UCN3: variants seen among roughly 807,000 people sequenced by gnomAD.
UCN3 encodes the protein urocortin-3.
UCN3 carries 3 observed loss-of-function variants against 3.6 expected under a neutral mutation model. The ratio of observed to expected loss-of-function variants is 0.83; its 90% confidence interval spans 0.38 to 2.15. UCN3 has a LOEUF of 2.15. UCN3 is among the 30% of genes most tolerant of loss of function. UCN3 has a pLI of 0.06. For missense variants in UCN3, 206 were observed against 208.3 expected (o/e 0.99, Z 0.07); for synonymous variants, 100 against 93.2 (o/e 1.07, Z -0.42).
chr10:5,371,137 G>C (rs1269703119), intron 1 of UCN3, among the ~76,000 whole-genome samples: 4 of 151,278 alleles, frequency 2.6e-5, no homozygotes, highest in Non-Finnish European at 5.9e-5. Context: ...GTATGTGTGT[G>C]CATATGTGTG....
rs1419986949 is a variant in UCN3, at chr10:5,374,272, G to C, written c.*66G>C. 2 of 581,120 alleles carry C rather than the reference G, an allele frequency of 3.4e-6. No homozygotes were observed. Among genetic ancestry groups the C allele is most frequent in the Non-Finnish European group, 2.9e-6 (1 of 341,766 alleles). The allele number at this position is 581,120 out of a possible 1,614,324, so 36.0% of individuals were successfully genotyped here. On this transcript the variant is annotated 3_prime_UTR_variant, in exon 2 of 2. Transcript: ENST00000380433. ...GAGGGGAGGGGGAGGGGAGGGCGAG[G>C]GGGGGAGGGGAGGGGGAGGGTGCTG... is the stretch of plus-strand genomic sequence containing the variant.
chr10:5,368,279 C>T (rs992767229), intron 1 of UCN3, among the ~76,000 whole-genome samples: 2 of 152,174 alleles, frequency 1.3e-5, no homozygotes, highest in Non-Finnish European at 2.9e-5. Flanking sequence ...GCTGGGATTA[C>T]AGGTGTGAGC....
intron 1 of UCN3, among the ~76,000 whole-genome samples, chr10:5,370,852 CGTGTGTGTGCGTGTGT>C (rs1564443664): frequency 2.8e-5 from 2 of 71,502 alleles, no homozygotes; most frequent in African/African-American, 8.1e-5. Flanking sequence ...TGTGTGTGCG[CGTGTGTGTGCGTGTGT>C]ATGTGTGTGT....
chr10:5,370,438 C>T lies in UCN3; in HGVS notation c.-6-3277C>T, dbSNP rs201565958. 9.6e-3 allele frequency among the ~76,000 whole-genome samples: 144 copies of T among 14,946 alleles called. 1 individual carries two copies. Among genetic ancestry groups the T allele is most frequent in the Admixed American group, 0.013 (14 of 1,054 alleles). The allele number at this position is 14,946 out of a possible 152,430, so 9.8% of individuals were successfully genotyped here. A position where few individuals can be genotyped will look rare whatever the true frequency, so the allele number is the denominator to read the frequency against. On this transcript the variant is annotated intron_variant, in intron 1 of 1. Coordinates refer to ENST00000380433, the MANE Select transcript of UCN3 (RefSeq NM_053049.4). ...GTGTGTGTATATGCGTGTGTATATG[C>T]GTGTGTATGTGTGTGTGTATATGTG...
rs1478856952 is a variant in UCN3, at chr10:5,367,335, A to G, written c.-7+2105A>G. 6.6e-6 allele frequency among the ~76,000 whole-genome samples: 1 copy of G among 152,238 alleles called. No homozygotes were observed. The highest frequency in any genetic ancestry group is 1.9e-4 in the East Asian group (1 of 5,200). Reference sequence around the variant, plus strand: ...CAAAACCAAAAAAGTATGCCATATAAAAGATTTTTTCCTCTGTGATACGTA... The same window carrying G: ...CAAAACCAAAAAAGTATGCCATATAGAAGATTTTTTCCTCTGTGATACGTA... On this transcript the variant is annotated intron_variant, in intron 1 of 1. Coordinates refer to ENST00000380433, the MANE Select transcript of UCN3 (RefSeq NM_053049.4). The surrounding 1 kb of genome is among the most constrained non-coding windows in gnomAD (Gnocchi z 4.3).
At chr10:5,370,871 G>GCGTGTGTATGCGTGTATA in intron 1 of UCN3, among the ~76,000 whole-genome samples, 1 of 135,398 alleles carries the variant, frequency 7.4e-6, no homozygotes, top group African/African-American at 3.0e-5. Flanking sequence ...GCGTGTGTAT[G>GCGTGTGTATGCGTGTATA]TGTGTGTATA....
rs200179226 is a variant in UCN3 at position 5,373,907 on chromosome 10, C to T, written c.187C>T (p.Arg63Cys). ...GAGCAAGAGGAGCTTCCACTACCTG[C>T]GCAGCAGAGACGCCTCTTCGGGAGA... Reference protein sequence around the residue: ...LLSKRSFHYLRSRDASSGEEE... With the variant: ...LLSKRSFHYLCSRDASSGEEE... The change falls in exon 2 of 2, where the codon CGC becomes TGC. Residue 63 changes from arginine (R) to cysteine (C), a missense_variant. Arg to Cys is a radical substitution (Grantham distance 180). Transcript: ENST00000380433. 2.3e-5 allele frequency: 37 copies of T among 1,613,784 alleles called. No homozygotes were observed. The highest frequency in any genetic ancestry group is 1.7e-5 in the Admixed American group (1 of 59,970).
In UCN3 at chr10:5,370,822, TGCGCGC is replaced by T. The variant is rs782485167; in HGVS notation, c.-6-2891_-6-2886del. Among the ~76,000 whole-genome samples, 43 of 103,856 alleles carry T rather than the reference TGCGCGC, an allele frequency of 4.1e-4. 2 individuals are homozygous for T. The highest frequency in any genetic ancestry group is 5.1e-3 in the Middle Eastern group (1 of 198). 68.1% of individuals were successfully genotyped at this position (103,856 alleles called of 152,430 possible). ...GTGTATATGTGTGTGTGCGTGTGTG[TGCGCGC>T]GTGTGTGTGCGCGTGTGTGTGCGCG... On this transcript the variant is annotated intron_variant, in intron 1 of 1. Coordinates refer to ENST00000380433, the MANE Select transcript of UCN3 (RefSeq NM_053049.4).
In UCN3 at chr10:5,365,627, TCCACGCC is replaced by T. The variant is rs1834109862; in HGVS notation, c.-7+398_-7+404del. Among the ~76,000 whole-genome samples the T allele has an allele frequency of 6.6e-6, 1 of 152,166 alleles. No individual in the cohort carries two copies. Among genetic ancestry groups the T allele is most frequent in the Non-Finnish European group, 1.5e-5 (1 of 68,030 alleles). On this transcript the variant is annotated intron_variant, in intron 1 of 1. Coordinates refer to ENST00000380433, the MANE Select transcript of UCN3 (RefSeq NM_053049.4). This position sits in a 1 kb window ranked among gnomAD's most constrained non-coding sequence, Gnocchi z 4.4. The stretch of plus-strand genomic sequence containing the variant: ...GCTAATGGGAGCCACAGGACATGAC[TCCACGCC>T]GCCTGCAAAGCAGCGAGGACACCTG...
rs543025995 is a variant in UCN3, at chr10:5,366,885, C to T, written c.-7+1655C>T. The stretch of plus-strand genomic sequence containing the variant: ...AAAGGTCTGCTACCTGCAGATGCAC[C>T]AAGAACAGAGCGCCACGCAGGACAC... On this transcript the variant is annotated intron_variant, in intron 1 of 1. Transcript: ENST00000380433. The surrounding 1 kb of genome is among the most constrained non-coding windows in gnomAD (Gnocchi z 4.2). Among the ~76,000 whole-genome samples the T allele has an allele frequency of 2.0e-5, 3 of 152,280 alleles. No homozygotes were observed. In the East Asian group the frequency reaches 5.8e-4, roughly 29 times the overall value.
chr10:5,371,192 TGTGAG>T (rs1831421886), intron 1 of UCN3, among the ~76,000 whole-genome samples: 1 of 151,280 alleles, frequency 6.6e-6, no homozygotes, highest in African/African-American at 2.4e-5. Context: ...TATGTGTACG[TGTGAG>T]GTGTGTATGT....
intron 1 of UCN3, among the ~76,000 whole-genome samples, chr10:5,369,474 G>T (rs73615945): frequency 6.6e-6 from 1 of 152,116 alleles, no homozygotes; most frequent in African/African-American, 2.4e-5. Context: ...ATTTATCAGA[G>T]AAGGAAATTG....
intron 1 of UCN3, among the ~76,000 whole-genome samples, chr10:5,370,209 G>GTA (rs1258788344): frequency 3.4e-4 from 7 of 20,482 alleles, no homozygotes; most frequent in Admixed American, 6.4e-4. Flanking sequence ...ATATGCGTGT[G>GTA]TATGTGTGTG....
At position 5,370,782 on chromosome 10, in the gene UCN3, T is replaced by TGTGTGTGTATGC. The variant is rs1165268461; in HGVS notation, c.-6-2926_-6-2915dup. On this transcript the variant is annotated intron_variant, in intron 1 of 1. Transcript: ENST00000380433. Reference sequence around the variant, plus strand: ...GTGTATATGCGTGTGTATATGCGTGTGTGTGTGTATGCGTGTGTATATGTG... The same window carrying TGTGTGTGTATGC: ...GTGTATATGCGTGTGTATATGCGTGTGTGTGTGTATGCGTGTGTGTATGCGTGTGTATATGTG... Among the ~76,000 whole-genome samples, 556 of 139,984 alleles carry TGTGTGTGTATGC rather than the reference T, an allele frequency of 4.0e-3. 25 individuals carry two copies. The highest frequency in any genetic ancestry group is 0.015 in the African/African-American group (521 of 34,542). 91.8% of individuals were successfully genotyped at this position (139,984 alleles called of 152,430 possible).
chr10:5,370,850 C>CGTGTGTGTGT (rs1554811415), intron 1 of UCN3, among the ~76,000 whole-genome samples: 1 of 63,652 alleles, frequency 1.6e-5, no homozygotes. Context: ...CGTGTGTGTG[C>CGTGTGTGTGT]GCGTGTGTGT....
chr10:5,372,443 C>T (rs942143849), intron 1 of UCN3, among the ~76,000 whole-genome samples: 1 of 152,210 alleles, frequency 6.6e-6, no homozygotes. Context: ...GATCAGTGAA[C>T]CAGCAAGAGT....
At position 5,365,015 on chromosome 10, in the gene UCN3, C is replaced by T. The variant is rs1363882853; in HGVS notation, c.-222C>T. On this transcript the variant is annotated 5_prime_UTR_variant, in exon 1 of 2. Transcript: ENST00000380433. The surrounding 1 kb of genome is among the most constrained non-coding windows in gnomAD (Gnocchi z 4.4). ...ACACCACGTCTGGAATTACGATCCA[C>T]CCTGTGATCTGTCACTTTTATATAC... is the stretch of plus-strand genomic sequence containing the variant. 1 of 152,170 alleles carries T rather than the reference C, an allele frequency of 6.6e-6. No homozygotes were observed. The highest frequency in any genetic ancestry group is 1.9e-4 in the East Asian group (1 of 5,188). The allele number at this position is 152,170 out of a possible 1,614,324, so 9.4% of individuals were successfully genotyped here.
intron 1 of UCN3, among the ~76,000 whole-genome samples, chr10:5,370,475 G>A (rs1310694843): frequency 8.7e-6 from 1 of 114,414 alleles, no homozygotes; most frequent in Non-Finnish European, 1.8e-5. Flanking sequence ...GTATATGCGT[G>A]TGTATATGTG....
intron 1 of UCN3, among the ~76,000 whole-genome samples, chr10:5,369,875 A>ATGTGTGTGTGTCTATATGTG (rs1485838796): frequency 1.2e-5 from 1 of 84,366 alleles, no homozygotes; most frequent in Admixed American, 1.4e-4. Flanking sequence ...GTGTGTGTAT[A>ATGTGTGTGTGTCTATATGTG]TGTGTGTGTA....
Sources: gnomAD v4.1 joint callset for allele counts (sites outside exome capture counted in the v4.1 genomes callset) on GRCh38, gnomAD v4.1.1 for gene constraint, Gnocchi (gnomAD v3.1) non-coding constraint, MANE v1.5 for transcripts, NCBI Gene and HGNC (gene_info 2026-07-23, HGNC 2026-07-21) for gene names.